Variants in PAG1 observed in about 807,000 individuals in gnomAD.
PAG1 encodes phosphoprotein membrane anchor with glycosphingolipid microdomains 1.
A neutral mutation model predicts 31.7 loss-of-function variants in PAG1; 23 were observed. The observed-to-expected ratio is 0.73, with a 90% CI of 0.52 to 1.03. The LOEUF is 1.03. PAG1 is among the 50% of genes least tolerant of loss of function. PAG1 has a pLI of 0.00. For synonymous variants in PAG1, 214 were observed against 210.3 expected (o/e 1.02, Z -0.15); for missense variants, 473 against 540.7 (o/e 0.87, Z 1.24).
chr8:80,981,511 T>C (rs1807299761), intron 7 of PAG1, among the ~76,000 whole-genome samples: 1 of 151,978 alleles, frequency 6.6e-6, no homozygotes, highest in South Asian at 2.1e-4. Flanking sequence ...TTCCAACACC[T>C]CCTCACCTAT....
At chr8:81,012,954 C>A (rs141762018) in intron 3 of PAG1, among the ~76,000 whole-genome samples, 72 of 152,270 alleles carry the variant, frequency 4.7e-4, no homozygotes, top group African/African-American at 1.7e-3. Flanking sequence ...AAATAGCAAG[C>A]AAGAATTTTG....
At chr8:81,044,620 A>C (rs1808609872) in intron 2 of PAG1, among the ~76,000 whole-genome samples, 1 of 152,184 alleles carries the variant, frequency 6.6e-6, no homozygotes, top group African/African-American at 2.4e-5. Flanking sequence ...GCTTTGTTAC[A>C]GCAGCCACAA....
At chr8:81,084,312 C>G (rs1294162478) in intron 1 of PAG1, among the ~76,000 whole-genome samples, 2 of 152,044 alleles carry the variant, frequency 1.3e-5, no homozygotes, top group Non-Finnish European at 2.9e-5. Context: ...AATTAGAAAC[C>G]TCATTAAGTA....
intron 1 of PAG1, among the ~76,000 whole-genome samples, chr8:81,075,208 T>C (rs911431208): frequency 6.6e-6 from 1 of 152,236 alleles, no homozygotes; most frequent in Non-Finnish European, 1.5e-5. Flanking sequence ...TTGCCATTTG[T>C]GGCTTTTTAG....
At chr8:80,994,485 G>C (rs1807630552) in intron 3 of PAG1, among the ~76,000 whole-genome samples, 1 of 152,158 alleles carries the variant, frequency 6.6e-6, no homozygotes, top group African/African-American at 2.4e-5. Flanking sequence ...TGTGTAGGAG[G>C]CACTGTTAAT....
At chr8:81,086,476 G>A (rs922670439) in intron 1 of PAG1, among the ~76,000 whole-genome samples, 2 of 151,938 alleles carry the variant, frequency 1.3e-5, no homozygotes, top group African/African-American at 4.8e-5. Context: ...TCACTGTTAG[G>A]GAAGAAGGCA....
intron 2 of PAG1, among the ~76,000 whole-genome samples, chr8:81,051,799 C>T (rs1244960834): frequency 6.6e-6 from 1 of 152,110 alleles, no homozygotes; most frequent in African/African-American, 2.4e-5. Flanking sequence ...AAATGCATTT[C>T]TATGTTTCAA....
intron 2 of PAG1, among the ~76,000 whole-genome samples, chr8:81,036,440 T>C (rs1438920065): frequency 6.6e-6 from 1 of 152,234 alleles, no homozygotes; most frequent in Non-Finnish European, 1.5e-5. Context: ...TTAACCTGTC[T>C]GAATTCCCTG....
chr8:80,977,920 T>A (rs1216935520), intron 8 of PAG1, among the ~76,000 whole-genome samples: 2 of 152,238 alleles, frequency 1.3e-5, no homozygotes, highest in African/African-American at 4.8e-5. Flanking sequence ...AGTGATTTGA[T>A]TCATTCAAAT....
chr8:81,085,824 T>C (rs1254715199), intron 1 of PAG1, among the ~76,000 whole-genome samples: 1 of 152,214 alleles, frequency 6.6e-6, no homozygotes, highest in Non-Finnish European at 1.5e-5. Context: ...TACAGTCAGG[T>C]AAACCTAAGT....
At chr8:81,024,088 T>A (rs377683132) in intron 3 of PAG1, among the ~76,000 whole-genome samples, 1 of 152,226 alleles carries the variant, frequency 6.6e-6, no homozygotes, top group East Asian at 1.9e-4. Flanking sequence ...CACTAATAGC[T>A]TCACTTACAT....
rs1024502310 is a variant in PAG1 at position 80,969,802 on chromosome 8, G to T, written c.*6742C>A. The T allele has an allele frequency of 6.6e-6, 1 of 152,172 alleles. No individual in the cohort carries two copies. The highest frequency in any genetic ancestry group is 2.4e-5 in the African/African-American group (1 of 41,444). 9.4% of individuals were successfully genotyped at this position (152,172 alleles called of 1,614,324 possible). On this transcript the variant is annotated 3_prime_UTR_variant, in exon 9 of 9. Coordinates refer to ENST00000220597, the MANE Select transcript of PAG1 (RefSeq NM_018440.4). ...TTACAAAACCAAATGAAACACCCTG[G>T]CTCCTGAAGTATGTAGAAAATGGGA...
intron 1 of PAG1, among the ~76,000 whole-genome samples, chr8:81,103,410 C>T (rs1809641353): frequency 6.6e-6 from 1 of 152,188 alleles, no homozygotes; most frequent in South Asian, 2.1e-4. Flanking sequence ...AGAAGCTCTA[C>T]CACTTACTAG....
chr8:80,999,955 G>C (rs1055834607), intron 3 of PAG1, among the ~76,000 whole-genome samples: 1 of 152,142 alleles, frequency 6.6e-6, no homozygotes, highest in Non-Finnish European at 1.5e-5. Context: ...GGTCTTTCTA[G>C]AAGTACGTAT....
intron 3 of PAG1, among the ~76,000 whole-genome samples, chr8:81,005,736 G>A (rs531306459): frequency 1.3e-4 from 20 of 152,190 alleles, no homozygotes; most frequent in South Asian, 1.0e-3. Context: ...CTGCAGGTCC[G>A]TTCAGCACAC....
chr8:81,093,146 T>A (rs1018122391), intron 1 of PAG1, among the ~76,000 whole-genome samples: 1 of 152,292 alleles, frequency 6.6e-6, no homozygotes, highest in African/African-American at 2.4e-5. Context: ...CTTGGCACCA[T>A]CACAACCAGC....
intron 3 of PAG1, among the ~76,000 whole-genome samples, chr8:81,011,029 G>A (rs1458100721): frequency 3.3e-5 from 5 of 152,108 alleles, no homozygotes; most frequent in Admixed American, 6.5e-5. Flanking sequence ...AAACTCTCCC[G>A]TCCACTCCAC....
At chr8:81,027,637 G>A (rs1399921678) in intron 3 of PAG1, among the ~76,000 whole-genome samples, 1 of 152,112 alleles carries the variant, frequency 6.6e-6, no homozygotes, top group East Asian at 1.9e-4. Flanking sequence ...CGGGCGCGGT[G>A]GCTCATGCCT....
At chr8:81,050,139 A>G (rs1468002041) in intron 2 of PAG1, among the ~76,000 whole-genome samples, 8 of 152,250 alleles carry the variant, frequency 5.3e-5, no homozygotes, top group African/African-American at 1.9e-4. Context: ...CAACATAATC[A>G]TTACTTTATA....
Sources: allele counts gnomAD v4.1 joint callset (sites outside exome capture counted in the v4.1 genomes callset), GRCh38; gene constraint gnomAD v4.1.1; transcripts MANE v1.5; gene names NCBI Gene and HGNC (gene_info 2026-07-23, HGNC 2026-07-21).